ANO6: variants seen among roughly 807,000 people sequenced by gnomAD.
ANO6 encodes anoctamin-6.
A neutral mutation model predicts 117.5 loss-of-function variants in ANO6; 106 were observed. The ratio of observed to expected loss-of-function variants is 0.90; its 90% CI spans 0.77 to 1.06. The LOEUF is 1.06. Among genes scored for constraint, ANO6 ranks in the 50% least tolerant of loss-of-function variants. The pLI, the probability that ANO6 is intolerant of heterozygous loss-of-function variation, is 0.00. For synonymous variants in ANO6, 367 were observed against 385.1 expected, an observed-to-expected ratio of 0.95 and a Z score of 0.55; for missense variants, 955 against 1,121.1, an observed-to-expected ratio of 0.85 and a Z score of 2.12.
intron 10 of ANO6, among the ~76,000 whole-genome samples, chr12:45,384,158 A>G (rs747103297): frequency 1.2e-4 from 18 of 152,218 alleles, no homozygotes; most frequent in African/African-American, 1.7e-4. Context: ...GCTAGCTTCA[A>G]ACTTTTCTTC....
chr12:45,309,356 G>A (rs944595335), intron 2 of ANO6, among the ~76,000 whole-genome samples: 1 of 152,058 alleles, frequency 6.6e-6, no homozygotes, highest in African/African-American at 2.4e-5. Context: ...CTTTGGGGTT[G>A]TATTCTATTC....
At chr12:45,218,211 C>T (rs1224463678) in intron 1 of ANO6, among the ~76,000 whole-genome samples, 2 of 152,062 alleles carry the variant, frequency 1.3e-5, no homozygotes, top group African/African-American at 4.8e-5. Flanking sequence ...GCATTTCCCA[C>T]TATTCCTGTG....
At chr12:45,342,503 G>T (rs941630886) in intron 3 of ANO6, among the ~76,000 whole-genome samples, 3 of 151,960 alleles carry the variant, frequency 2.0e-5, no homozygotes, top group African/African-American at 7.3e-5. Flanking sequence ...TGGTGTTGGT[G>T]TACTTCAGAA....
At chr12:45,348,763 G>C (rs1941208867) in intron 6 of ANO6, 132 bp downstream of exon 6, 1 of 744,082 alleles carries the variant, frequency 1.3e-6, no homozygotes, top group Non-Finnish European at 2.4e-6. Flanking sequence ...AAGATTACAA[G>C]CTCATTTAGG....
At chr12:45,404,299 T>G (rs547100750) in intron 15 of ANO6, among the ~76,000 whole-genome samples, 2 of 152,340 alleles carry the variant, frequency 1.3e-5, no homozygotes, top group Admixed American at 1.3e-4. Flanking sequence ...CATTGCCCTT[T>G]ACAATTTTCA....
At chr12:45,415,852 C>G (rs1943199922) in intron 16 of ANO6, among the ~76,000 whole-genome samples, 3 of 152,178 alleles carry the variant, frequency 2.0e-5, no homozygotes, top group Non-Finnish European at 1.5e-5. Flanking sequence ...CTCCCATCCA[C>G]AGTTTTAGTT....
chr12:45,365,253 G>T (rs892681423), intron 8 of ANO6, among the ~76,000 whole-genome samples: 1 of 152,170 alleles, frequency 6.6e-6, no homozygotes, highest in African/African-American at 2.4e-5. Context: ...AGAGGTAAGG[G>T]ATTAAGGTTT....
chr12:45,339,902 T>C (rs916326544), intron 3 of ANO6, among the ~76,000 whole-genome samples: 2 of 152,148 alleles, frequency 1.3e-5, no homozygotes, highest in Non-Finnish European at 2.9e-5. Flanking sequence ...AATCAATCTA[T>C]TCATATATTT....
At chr12:45,365,203 A>G (rs904205804) in intron 8 of ANO6, among the ~76,000 whole-genome samples, 2 of 152,166 alleles carry the variant, frequency 1.3e-5, no homozygotes, top group African/African-American at 2.4e-5. Context: ...GCTCTTCCTT[A>G]GCTTTTTTTT....
At chr12:45,251,916 C>G (rs1428846914) in intron 1 of ANO6, among the ~76,000 whole-genome samples, 1 of 152,196 alleles carries the variant, frequency 6.6e-6, no homozygotes, top group Non-Finnish European at 1.5e-5. Context: ...AAATAACACC[C>G]TATACTCTAT....
At chr12:45,296,514 GT>G (rs761970767) in intron 1 of ANO6, among the ~76,000 whole-genome samples, 2 of 151,644 alleles carry the variant, frequency 1.3e-5, no homozygotes, top group African/African-American at 4.8e-5. Context: ...TCACTACATT[GT>G]TTTTTTCTTT....
intron 1 of ANO6, among the ~76,000 whole-genome samples, chr12:45,300,194 C>CT (rs1939434253): frequency 6.6e-6 from 1 of 152,036 alleles, no homozygotes; most frequent in African/African-American, 2.4e-5. Context: ...TTATTTCTTT[C>CT]TTTTTGAGAC....
intron 18 of ANO6, among the ~76,000 whole-genome samples, chr12:45,422,597 C>A: frequency 6.9e-6 from 1 of 144,168 alleles, no homozygotes; most frequent in Admixed American, 6.9e-5. Flanking sequence ...TTTTTTGAGA[C>A]AGCGTCCTGC....
At chr12:45,289,026 A>C (rs535684110) in intron 1 of ANO6, among the ~76,000 whole-genome samples, 29 of 152,176 alleles carry the variant, frequency 1.9e-4, no homozygotes, top group African/African-American at 6.3e-4. Context: ...ATTTTCTGTC[A>C]TGAATATTCT....
chr12:45,363,421 G>T (rs953349652), intron 8 of ANO6, among the ~76,000 whole-genome samples: 3 of 151,796 alleles, frequency 2.0e-5, no homozygotes, highest in Non-Finnish European at 4.4e-5. Context: ...AAACTTAGCC[G>T]GGCATGGTGA....
intron 1 of ANO6, among the ~76,000 whole-genome samples, chr12:45,281,012 A>G (rs1185752982): frequency 6.6e-6 from 1 of 152,140 alleles, no homozygotes; most frequent in Non-Finnish European, 1.5e-5. Context: ...GCCTCTCTCC[A>G]TCAGTGATCC....
chr12:45,303,886 A>G (rs1939579817), intron 2 of ANO6, among the ~76,000 whole-genome samples: 2 of 152,234 alleles, frequency 1.3e-5, no homozygotes, highest in African/African-American at 4.8e-5. Flanking sequence ...TCACGCTTAC[A>G]GAATTATTGA....
At chr12:45,269,955 A>G (rs1938340090) in intron 1 of ANO6, among the ~76,000 whole-genome samples, 1 of 152,166 alleles carries the variant, frequency 6.6e-6, no homozygotes. Flanking sequence ...TCATTCTGGG[A>G]ACTTTGAAAT....
At chr12:45,317,365 T>G (rs1335980336) in intron 2 of ANO6, among the ~76,000 whole-genome samples, 1 of 140,304 alleles carries the variant, frequency 7.1e-6, no homozygotes, top group Admixed American at 7.8e-5. Flanking sequence ...AGTGAGAACA[T>G]GAAGTGTTTG....
Sources: allele counts gnomAD v4.1 joint callset (sites outside exome capture counted in the v4.1 genomes callset), GRCh38; gene constraint gnomAD v4.1.1; transcripts MANE v1.5; gene names NCBI Gene and HGNC (gene_info 2026-07-23, HGNC 2026-07-21).